The following DYM variants were observed in gnomAD, a reference collection of about 807,000 sequenced individuals.
DYM encodes the protein dyggve-Melchior-Clausen syndrome protein.
A neutral mutation model predicts 93.1 loss-of-function variants in DYM; 78 were observed. That is an observed-to-expected ratio of 0.84 (90% confidence interval 0.70 to 1.01). The LOEUF (loss-of-function observed/expected upper bound fraction) is 1.01. Among genes scored for constraint, DYM ranks in the 50% least tolerant of loss-of-function variants. DYM has a pLI of 0.00. For missense variants in DYM, 789 were observed against 845.0 expected (o/e 0.93, Z 0.82); for synonymous variants, 321 against 319.7 (o/e 1.00, Z -0.04).
chr18:49,245,490 T>C (rs1037001118), intron 13 of DYM, among the ~76,000 whole-genome samples: 1 of 152,154 alleles, frequency 6.6e-6, no homozygotes, highest in Non-Finnish European at 1.5e-5. Flanking sequence ...TCTGGGAATG[T>C]CTGTCTTATG....
chr18:49,080,021 G>A (rs2077683689), intron 17 of DYM, among the ~76,000 whole-genome samples: 1 of 150,910 alleles, frequency 6.6e-6, no homozygotes, highest in Admixed American at 6.6e-5. Context: ...GGGGCGGCTG[G>A]CTGGGCAGAG....
chr18:49,136,751 T>C (rs904740159), intron 15 of DYM, among the ~76,000 whole-genome samples: 3 of 152,144 alleles, frequency 2.0e-5, no homozygotes, highest in Non-Finnish European at 4.4e-5. Flanking sequence ...TTGATATTAA[T>C]GTAGAAATGC....
intron 7 of DYM, among the ~76,000 whole-genome samples, chr18:49,333,062 A>T (rs1481019731): frequency 1.3e-5 from 2 of 152,256 alleles, no homozygotes; most frequent in Non-Finnish European, 2.9e-5. Context: ...TATGAAGAAG[A>T]CAAAGCTCCC....
chr18:49,419,272 T>C (rs1285468898), intron 2 of DYM, among the ~76,000 whole-genome samples: 2 of 151,900 alleles, frequency 1.3e-5, no homozygotes, highest in East Asian at 3.9e-4. Context: ...AGGCAGGGAA[T>C]TGCTTGAACC....
intron 13 of DYM, among the ~76,000 whole-genome samples, chr18:49,255,809 G>A (rs992779767): frequency 2.0e-5 from 3 of 151,950 alleles, no homozygotes; most frequent in Non-Finnish European, 4.4e-5. Context: ...AGTCAAAAAA[G>A]TACCCCCATA....
intron 14 of DYM, among the ~76,000 whole-genome samples, chr18:49,180,713 ATT>A (rs2089847263): frequency 6.6e-6 from 1 of 152,132 alleles, no homozygotes; most frequent in Admixed American, 6.6e-5. Context: ...ACACATTTGT[ATT>A]TAAACACCCA....
Position 49,316,576 on chromosome 18 carries a change from T to C in DYM, c.763+15288A>G, listed in dbSNP as rs149852454. Among the ~76,000 whole-genome samples the C allele has an allele frequency of 2.8e-4, 43 of 152,206 alleles. 1 individual carries two copies. Among genetic ancestry groups the C allele is most frequent in the African/African-American group, 1.0e-3 (42 of 41,524 alleles). On this transcript the variant is annotated intron_variant, in intron 8 of 17. Coordinates refer to ENST00000675505, the MANE Select transcript of DYM (RefSeq NM_001353214.3). ...TAGTAAATCCACACAGAAGAGATAA[T>C]AAAAACAACGTTTACTGAAGTTTAT...
chr18:49,230,134 A>C (rs78962482), intron 13 of DYM, among the ~76,000 whole-genome samples: 2 of 152,194 alleles, frequency 1.3e-5, no homozygotes, highest in Admixed American at 1.3e-4. Context: ...TGGTAAATAC[A>C]TGACTATATG....
At chr18:49,295,245 C>A (rs572511646) in intron 8 of DYM, among the ~76,000 whole-genome samples, 1 of 152,258 alleles carries the variant, frequency 6.6e-6, no homozygotes, top group African/African-American at 2.4e-5. Flanking sequence ...CATTTCAGGA[C>A]AAACACTGTG....
intron 14 of DYM, among the ~76,000 whole-genome samples, chr18:49,172,816 TTG>T (rs2088919632): frequency 6.6e-6 from 1 of 152,072 alleles, no homozygotes; most frequent in African/African-American, 2.4e-5. Flanking sequence ...TTTTAAAAAA[TTG>T]TTTGTTTTTT....
chr18:49,307,112 C>A (rs768126664), intron 8 of DYM, among the ~76,000 whole-genome samples: 2 of 151,904 alleles, frequency 1.3e-5, no homozygotes, highest in Non-Finnish European at 2.9e-5. Flanking sequence ...GCAAATAATT[C>A]AATCTAGAAA....
intron 3 of DYM, among the ~76,000 whole-genome samples, chr18:49,389,376 A>T (rs560871384): frequency 6.6e-6 from 1 of 152,320 alleles, no homozygotes; most frequent in South Asian, 2.1e-4. Context: ...AATAAGTAGT[A>T]GAAGAAAAAA....
chr18:49,428,258 C>G (rs1346789832), intron 2 of DYM, among the ~76,000 whole-genome samples: 2 of 151,506 alleles, frequency 1.3e-5, no homozygotes, highest in Non-Finnish European at 1.5e-5. Flanking sequence ...CAAGACCAGC[C>G]TGGGTAACAG....
At chr18:49,130,887 T>G (rs1204585497) in intron 15 of DYM, among the ~76,000 whole-genome samples, 1 of 152,122 alleles carries the variant, frequency 6.6e-6, no homozygotes, top group Non-Finnish European at 1.5e-5. Context: ...AGACAAATAG[T>G]AGGAACATAG....
intron 13 of DYM, 108 bp downstream of exon 13, chr18:49,256,902 A>AAAATTTG: frequency 1.1e-6 from 1 of 925,860 alleles, no homozygotes. Flanking sequence ...ATTAAGTAGG[A>AAAATTTG]AAATTTGATA....
intron 15 of DYM, among the ~76,000 whole-genome samples, chr18:49,161,830 G>T (rs2087188588): frequency 6.6e-6 from 1 of 152,128 alleles, no homozygotes; most frequent in South Asian, 2.1e-4. Flanking sequence ...ATCTGGACTG[G>T]GTACTGTTCC....
intron 1 of DYM, among the ~76,000 whole-genome samples, chr18:49,445,863 G>T (rs12605484): frequency 6.6e-6 from 1 of 151,976 alleles, no homozygotes; most frequent in Non-Finnish European, 1.5e-5. Flanking sequence ...ACTAGGGGGA[G>T]GGAAGGGGAA....
At chr18:49,431,154 T>C (rs1302540249) in intron 1 of DYM, among the ~76,000 whole-genome samples, 2 of 152,240 alleles carry the variant, frequency 1.3e-5, no homozygotes, top group African/African-American at 4.8e-5. Context: ...GTAATTACCA[T>C]GTGCTACTTC....
chr18:49,256,863 A>G, intron 13 of DYM, 147 bp downstream of exon 13: 1 of 673,300 alleles, frequency 1.5e-6, no homozygotes, highest in Non-Finnish European at 2.6e-6. Context: ...GGAACGAGCT[A>G]TTTTCAACCA....
Sources: allele counts gnomAD v4.1 joint callset (sites outside exome capture counted in the v4.1 genomes callset), GRCh38; gene constraint gnomAD v4.1.1; transcripts MANE v1.5; gene names NCBI Gene and HGNC (gene_info 2026-07-23, HGNC 2026-07-21).